Variants in MTCH2 observed in about 807,000 individuals in gnomAD.
MTCH2 encodes the protein mitochondrial carrier homolog 2.
Under a neutral mutation model 50.6 loss-of-function variants are expected in MTCH2, and 25 were observed. The ratio of observed to expected loss-of-function variants is 0.49; its 90% CI spans 0.36 to 0.69. The LOEUF is 0.69. Among genes scored for constraint, MTCH2 ranks in the 30% least tolerant of loss-of-function variants. The pLI is 0.00. For synonymous variants in MTCH2, 106 were observed against 132.0 expected, an observed-to-expected ratio of 0.80 and a Z score of 1.35; for missense variants, 273 against 384.4, an observed-to-expected ratio of 0.71 and a Z score of 2.42.
intron 4 of MTCH2, 27 bp from the exon 5 acceptor site, chr11:47,634,761 A>G: frequency 7.7e-7 from 1 of 1,292,660 alleles, no homozygotes; most frequent in Non-Finnish European, 1.1e-6. Context: ...AAGAAAATAG[A>G]GATCTTGATT....
At chr11:47,633,280 T>G (rs1189037650) in intron 5 of MTCH2, among the ~76,000 whole-genome samples, 1 of 149,380 alleles carries the variant, frequency 6.7e-6, no homozygotes, top group African/African-American at 2.5e-5. Flanking sequence ...CAGCTAATTT[T>G]TTTGTATTTT....
intron 10 of MTCH2, among the ~76,000 whole-genome samples, chr11:47,626,193 T>C (rs2097298019): frequency 6.6e-6 from 1 of 152,074 alleles, no homozygotes; most frequent in Non-Finnish European, 1.5e-5. Flanking sequence ...ATTACGGGCA[T>C]GCACCACCAT....
chr11:47,609,420 T>C, the MTCH2 span, among the ~76,000 whole-genome samples: 7 of 136,858 alleles, frequency 5.1e-5, no homozygotes, highest in Admixed American at 4.0e-4. Flanking sequence ...ATTGTGCCAC[T>C]GCACTCCAGC....
intron 3 of MTCH2, among the ~76,000 whole-genome samples, chr11:47,638,287 C>A (rs57684333): frequency 7.9e-6 from 1 of 127,222 alleles, no homozygotes; most frequent in Admixed American, 8.7e-5. Flanking sequence ...TCCCGCCGGG[C>A]GCGGTGGCTC....
In MTCH2 at chr11:47,635,413, C is replaced by A. The variant is rs1018649666; in HGVS notation, c.306+132G>T. The A allele has an allele frequency of 1.0e-5, 10 of 982,752 alleles. No homozygotes were observed. In the South Asian group the frequency reaches 1.5e-4, roughly 14 times the overall value. 60.9% of individuals were successfully genotyped at this position (982,752 alleles called of 1,614,324 possible). A position where few individuals can be genotyped will look rare whatever the true frequency, so the allele number is the denominator to read the frequency against. The stretch of plus-strand genomic sequence containing the variant: ...CAAACAGAACTGTCCAAACTGGTGG[C>A]CACCCCATAGGACAACACTCACTGA... On this transcript the variant is annotated intron_variant, in intron 4 of 12. Transcript: ENST00000302503.
At chr11:47,634,862 G>A (rs1011124972) in intron 4 of MTCH2, 128 bp from the exon 5 acceptor site, 44 of 543,854 alleles carry the variant, frequency 8.1e-5, no homozygotes, top group South Asian at 4.2e-4. Context: ...AAGCTCCACC[G>A]CCTGGGTACA....
downstream of MTCH2, among the ~76,000 whole-genome samples, chr11:47,612,861 T>A (rs11601083): frequency 0.036 from 5,493 of 151,912 alleles, 101 homozygotes; most frequent in Middle Eastern, 0.065. Flanking sequence ...AAAAATAAGA[T>A]GAGAGATGAA....
intron 5 of MTCH2, among the ~76,000 whole-genome samples, chr11:47,634,215 A>G (rs2153800275): frequency 6.6e-6 from 1 of 152,238 alleles, no homozygotes. Flanking sequence ...ACCTGGGACT[A>G]CAGATATGTG....
intron 5 of MTCH2, among the ~76,000 whole-genome samples, chr11:47,633,373 G>T (rs1171167852): frequency 1.3e-5 from 2 of 150,182 alleles, no homozygotes; most frequent in Admixed American, 6.7e-5. Context: ...GCCTCCCAAG[G>T]TGTTGGGATT....
chr11:47,628,419 T>C (rs1305717164), intron 9 of MTCH2, among the ~76,000 whole-genome samples: 2 of 152,186 alleles, frequency 1.3e-5, no homozygotes. Context: ...CTCTGTCACA[T>C]CTTACGGACT....
At chr11:47,633,797 A>G (rs918264544) in intron 5 of MTCH2, among the ~76,000 whole-genome samples, 1 of 151,712 alleles carries the variant, frequency 6.6e-6, no homozygotes, top group African/African-American at 2.4e-5. Context: ...TCGGCCTCTC[A>G]AAGTGCTGGG....
Position 47,625,773 on chromosome 11 carries a change from G to C in MTCH2, c.682-32C>G, listed in dbSNP as rs1467762877. 2.6e-6 allele frequency: 4 copies of C among 1,550,672 alleles called. No homozygotes were observed. In the African/African-American group the frequency reaches 5.5e-5, roughly 21 times the overall value. ...AATGGAAACAAGGCAGCTGTTATTAGATCATTCCTAGTCTTTATTCTCCTT... is the reference window on the plus strand; with the variant it reads ...AATGGAAACAAGGCAGCTGTTATTACATCATTCCTAGTCTTTATTCTCCTT... On this transcript the variant is annotated intron_variant, in intron 10 of 12. Transcript: ENST00000302503.
At chr11:47,622,612 TAA>T in intron 12 of MTCH2, 87 bp downstream of exon 12, 1 of 1,056,174 alleles carries the variant, frequency 9.5e-7, no homozygotes, top group East Asian at 2.7e-5. Context: ...CTACAAGAGT[TAA>T]CTTGGGATTC....
At chr11:47,614,439 C>T (rs1255900240), downstream of MTCH2, among the ~76,000 whole-genome samples, 1 of 152,198 alleles carries the variant, frequency 6.6e-6, no homozygotes, top group East Asian at 1.9e-4. Flanking sequence ...TGACCACCTA[C>T]AATTACTACC....
downstream of MTCH2, among the ~76,000 whole-genome samples, chr11:47,613,329 G>A (rs2153797537): frequency 6.6e-6 from 1 of 152,092 alleles, no homozygotes; most frequent in East Asian, 1.9e-4. Context: ...CTCTGAAAAG[G>A]AGGTAAGACA....
At chr11:47,625,284 A>C (rs752591704) in intron 11 of MTCH2, among the ~76,000 whole-genome samples, 9 of 151,766 alleles carry the variant, frequency 5.9e-5, no homozygotes, top group Admixed American at 1.3e-4. Flanking sequence ...TTAGCTGGGC[A>C]TGGTGGCGAA....
chr11:47,638,752 G>C lies in MTCH2; in HGVS notation c.226C>G (p.Pro76Ala). 1 of 1,614,274 alleles carries C rather than the reference G, an allele frequency of 6.2e-7. No homozygotes were observed. Among genetic ancestry groups the C allele is most frequent in the Non-Finnish European group, 8.5e-7 (1 of 1,180,056 alleles). ...CCAAGGACTCCCGAACACAGTCTTG[G>C]AGTTAAGCCTGTGAACAACCCGCGC... The part of the protein sequence containing the change: ...GRRGLFTGLT[P>A]RLCSGVLGTV... Residue 76 changes from proline (P) to alanine (A), a missense_variant, in exon 3 of 13, where the codon CCA (proline) becomes GCA (alanine). This residue lies in a region of MTCH2 where 203 missense variants were observed against 244.3 expected (regional missense o/e 0.83). Coordinates refer to ENST00000302503, the MANE Select transcript of MTCH2 (RefSeq NM_014342.4).
chr11:47,635,666 C>A, intron 3 of MTCH2, 95 bp from the exon 4 acceptor site: 6 of 1,245,928 alleles, frequency 4.8e-6, no homozygotes, highest in Non-Finnish European at 5.6e-6. Context: ...AGTAAATTAG[C>A]TGAAGTTTTT....
At chr11:47,621,996 G>C (rs1598834562) in intron 12 of MTCH2, among the ~76,000 whole-genome samples, 4 of 151,942 alleles carry the variant, frequency 2.6e-5, no homozygotes. Flanking sequence ...TAGCCTCCTG[G>C]GTAGCTGGGA....
Sources: gnomAD v4.1 joint callset for allele counts (sites outside exome capture counted in the v4.1 genomes callset) on GRCh38, gnomAD v4.1.1 for gene constraint, gnomAD v4.1.1 regional missense constraint, MANE v1.5 for transcripts, NCBI Gene and HGNC (gene_info 2026-07-23, HGNC 2026-07-21) for gene names.